The following FNDC3A variants were observed in gnomAD, a reference collection of about 807,000 sequenced individuals.
FNDC3A encodes fibronectin type III domain containing 3A.
Under a neutral mutation model 148.9 loss-of-function variants are expected in FNDC3A, and 32 were observed. The observed-to-expected ratio is 0.21, with a 90% confidence interval of 0.16 to 0.29. FNDC3A has a LOEUF of 0.29. FNDC3A is among the 10% of genes least tolerant of loss of function. The probability of loss-of-function intolerance (pLI) is 1.00; values close to 1 mark genes in which losing one functional copy is unlikely to be tolerated. For missense variants in FNDC3A, 1,191 were observed against 1,452.8 expected (o/e 0.82, Z 2.93); for synonymous variants, 472 against 473.6 (o/e 1.00, Z 0.04).
At chr13:49,022,018 A>G (rs974256246) in intron 2 of FNDC3A, among the ~76,000 whole-genome samples, 1 of 152,240 alleles carries the variant, frequency 6.6e-6, no homozygotes, top group Non-Finnish European at 1.5e-5. Flanking sequence ...TGCTGGGTGA[A>G]CAATTGTAAA....
chr13:49,152,559 G>C (rs1477928220), intron 8 of FNDC3A, among the ~76,000 whole-genome samples: 1 of 151,426 alleles, frequency 6.6e-6, no homozygotes, highest in Admixed American at 6.6e-5. Context: ...TGTGCACATT[G>C]TGCAGGTTAG....
At chr13:49,025,106 C>G (rs999823637) in intron 2 of FNDC3A, among the ~76,000 whole-genome samples, 1 of 151,898 alleles carries the variant, frequency 6.6e-6, no homozygotes, top group African/African-American at 2.4e-5. Context: ...GGTTAGTTTT[C>G]AAATACTGCT....
chr13:49,169,887 T>C (rs1181800323), intron 10 of FNDC3A, among the ~76,000 whole-genome samples: 1 of 152,196 alleles, frequency 6.6e-6, no homozygotes. Flanking sequence ...AAAGTATGAC[T>C]AATTTTATTT....
intron 2 of FNDC3A, among the ~76,000 whole-genome samples, chr13:49,026,573 GGCTCACT>G (rs1238526013): frequency 4.6e-5 from 7 of 152,170 alleles, no homozygotes; most frequent in Non-Finnish European, 1.0e-4. Flanking sequence ...GTGTGATCAT[GGCTCACT>G]GCAGCCTCAG....
chr13:49,060,643 C>CAAAAAAA (rs35534890), intron 2 of FNDC3A, among the ~76,000 whole-genome samples: 1 of 59,716 alleles, frequency 1.7e-5, no homozygotes, highest in African/African-American at 7.1e-5. Context: ...GACTCGGTCT[C>CAAAAAAA]AAAAAAAAAA....
At chr13:49,059,718 A>G (rs967387180) in intron 2 of FNDC3A, among the ~76,000 whole-genome samples, 1 of 152,180 alleles carries the variant, frequency 6.6e-6, no homozygotes, top group Non-Finnish European at 1.5e-5. Flanking sequence ...CAGCCTCCCA[A>G]AGTGCTGGGA....
At chr13:49,058,455 A>G (rs949493467) in intron 2 of FNDC3A, among the ~76,000 whole-genome samples, 2 of 152,162 alleles carry the variant, frequency 1.3e-5, no homozygotes, top group African/African-American at 4.8e-5. Flanking sequence ...GGAGGCAGAA[A>G]TTGGGCATAA....
At chr13:49,079,025 C>G (rs949636484) in intron 3 of FNDC3A, among the ~76,000 whole-genome samples, 1 of 152,112 alleles carries the variant, frequency 6.6e-6, no homozygotes. Context: ...TTAAAAGTAG[C>G]TTTATTACTT....
intron 3 of FNDC3A, among the ~76,000 whole-genome samples, chr13:49,078,707 C>G (rs554499244): frequency 6.6e-6 from 1 of 152,202 alleles, no homozygotes; most frequent in Non-Finnish European, 1.5e-5. Context: ...TCATTTTCTT[C>G]CACTTAGCCA....
chr13:49,137,321 A>G (rs1343042124), intron 6 of FNDC3A, among the ~76,000 whole-genome samples: 1 of 151,674 alleles, frequency 6.6e-6, no homozygotes, highest in Non-Finnish European at 1.5e-5. Context: ...CTTCTACTCT[A>G]TGAACTTTGT....
At chr13:49,133,253 C>T (rs867665794) in intron 5 of FNDC3A, among the ~76,000 whole-genome samples, 1 of 152,092 alleles carries the variant, frequency 6.6e-6, no homozygotes, top group South Asian at 2.1e-4. Flanking sequence ...GCAGATTAGT[C>T]TCATCCTATT....
intron 7 of FNDC3A, among the ~76,000 whole-genome samples, chr13:49,142,835 A>T (rs1413298998): frequency 6.6e-6 from 1 of 152,136 alleles, no homozygotes; most frequent in Admixed American, 6.6e-5. Context: ...TCTTTCTGTG[A>T]CTTAACATAT....
At chr13:49,206,722 T>C (rs887808176) in intron 25 of FNDC3A, among the ~76,000 whole-genome samples, 1 of 152,238 alleles carries the variant, frequency 6.6e-6, no homozygotes. Flanking sequence ...AAGTAGACAC[T>C]ATCCCTTCTT....
chr13:49,020,313 G>A (rs1018936567), intron 2 of FNDC3A, among the ~76,000 whole-genome samples: 1 of 152,200 alleles, frequency 6.6e-6, no homozygotes, highest in East Asian at 1.9e-4. Context: ...AGGTAAAATT[G>A]GTGAACAAGT....
intron 2 of FNDC3A, among the ~76,000 whole-genome samples, chr13:49,056,255 C>T (rs1876233537): frequency 6.6e-6 from 1 of 151,890 alleles, no homozygotes; most frequent in Admixed American, 6.6e-5. Flanking sequence ...TGGACTCAAG[C>T]AATCCTCCTG....
intron 1 of FNDC3A, chr13:48,976,908 C>A (rs1951614760): frequency 6.6e-6 from 1 of 152,192 alleles, no homozygotes; most frequent in South Asian, 2.1e-4. Context: ...GAAACGACGT[C>A]ATGTGTTAGG....
chr13:49,135,532 AG>A (rs1458411354), intron 5 of FNDC3A, among the ~76,000 whole-genome samples: 1 of 152,142 alleles, frequency 6.6e-6, no homozygotes, highest in Non-Finnish European at 1.5e-5. Flanking sequence ...TGTGAGGTAG[AG>A]GTCCACGTTC....
chr13:49,178,541 T>C (rs371824598), intron 13 of FNDC3A, 27 bp from the exon 14 acceptor site: 34 of 1,387,240 alleles, frequency 2.5e-5, no homozygotes, highest in Admixed American at 1.4e-4. Flanking sequence ...AGACATCGAA[T>C]GAAGACTTTG....
chr13:49,017,173 C>T (rs1233770758), intron 2 of FNDC3A, among the ~76,000 whole-genome samples: 4 of 151,926 alleles, frequency 2.6e-5, no homozygotes, highest in Admixed American at 1.3e-4. Context: ...CTTTCTGTCT[C>T]GTTGATCTGT....
Sources: allele counts gnomAD v4.1 joint callset (sites outside exome capture counted in the v4.1 genomes callset), GRCh38; gene constraint gnomAD v4.1.1; transcripts MANE v1.5; gene names NCBI Gene and HGNC (gene_info 2026-07-23, HGNC 2026-07-21).